TENT4A: variants seen among roughly 807,000 people sequenced by gnomAD.
TENT4A encodes terminal nucleotidyltransferase 4A.
In TENT4A, 7 loss-of-function variants were observed where a neutral mutation model predicts 72.8. The observed-to-expected ratio is 0.10, with a 90% confidence interval of 0.05 to 0.18. The LOEUF (loss-of-function observed/expected upper bound fraction) is 0.18, where lower values mean the gene tolerates loss of function less well. Ranked by LOEUF, TENT4A falls within the 10% of genes least tolerant of loss-of-function variation. TENT4A has a pLI of 1.00. For missense variants in TENT4A, 831 were observed against 1,017.7 expected, an observed-to-expected ratio of 0.82 and a Z score of 2.50; for synonymous variants, 456 against 434.3, an observed-to-expected ratio of 1.05 and a Z score of -0.62.
In TENT4A at chr5:6,714,578, C is replaced by T; in HGVS notation, c.595C>T (p.Leu199Phe). 8.3e-7 allele frequency: 1 copy of T among 1,199,046 alleles called. No individual in the cohort carries two copies. Among genetic ancestry groups the T allele is most frequent in the Non-Finnish European group, 1.0e-6 (1 of 966,766 alleles). The allele number at this position is 1,199,046 out of a possible 1,614,324, so 74.3% of individuals were successfully genotyped here. A position where few individuals can be genotyped will look rare whatever the true frequency, so the allele number is the denominator to read the frequency against. ...KRENKASTYG[L>F]NYLLSGSRAA... ...CGAGAACAAGGCCAGCACCTACGGCCTCAACTACCTGCTGTCCGGCAGCCG... is the reference window on the plus strand; with the variant it reads ...CGAGAACAAGGCCAGCACCTACGGCTTCAACTACCTGCTGTCCGGCAGCCG... Residue 199 changes from leucine to phenylalanine, a missense_variant, in exon 1 of 13, where the codon CTC (leucine) becomes TTC (phenylalanine). Physicochemically the swap from Leu to Phe is conservative, Grantham distance 22 (BLOSUM62 0). This residue lies in a region of TENT4A where 302 missense variants were observed against 293.8 expected (regional missense o/e 1.03). Coordinates refer to ENST00000230859, the MANE Select transcript of TENT4A (RefSeq NM_006999.6).
At chr5:6,733,182 G>A (rs1741293755) in intron 1 of TENT4A, among the ~76,000 whole-genome samples, 1 of 152,234 alleles carries the variant, frequency 6.6e-6, no homozygotes, top group African/African-American at 2.4e-5. Context: ...TAGGGGGTGA[G>A]GCCAGAGGGC....
At chr5:6,725,986 A>G (rs948546315) in intron 1 of TENT4A, among the ~76,000 whole-genome samples, 21 of 152,236 alleles carry the variant, frequency 1.4e-4, no homozygotes, top group Admixed American at 1.3e-3. Flanking sequence ...ACGTCAGAGT[A>G]AAAGCTTTGA....
chr5:6,730,154 T>C (rs1392279745), intron 1 of TENT4A, among the ~76,000 whole-genome samples: 1 of 152,090 alleles, frequency 6.6e-6, no homozygotes. Context: ...GCAGCGTGCT[T>C]GGGTTTGCTT....
In TENT4A at chr5:6,749,629, C is replaced by T. The variant is rs1401911338; in HGVS notation, c.1659C>T (p.Gly553=). 2 of 1,613,288 alleles carry T rather than the reference C, an allele frequency of 1.2e-6. No individual in the cohort carries two copies. Among genetic ancestry groups the T allele is most frequent in the Admixed American group, 1.7e-5 (1 of 59,972 alleles). Residue 553 remains glycine (G), a synonymous_variant, in exon 9 of 13, where the codon GGC becomes GGT. Transcript: ENST00000230859. The stretch of plus-strand genomic sequence containing the variant: ...GGAGGTGGATCAAAGAGAAGTGGGG[C>T]AGCAAAGCCCACCCGTCGCCAGGCA... ...DYRRWIKEKW[G]SKAHPSPGMD... is the part of the protein sequence containing the mutation.
rs779295789 is a variant in TENT4A at position 6,748,668 on chromosome 5, C to G, written c.1586+78C>G. 6.3e-6 allele frequency: 9 copies of G among 1,429,636 alleles called. No homozygotes were observed. In the African/African-American group the frequency reaches 8.4e-5, roughly 13 times the overall value. The allele number at this position is 1,429,636 out of a possible 1,614,324, so 88.6% of individuals were successfully genotyped here. ...TATCCCTTTCCTGTGTCATTTACCTCCATGAAATTTATGAAGGGATGTTCT... is the reference window on the plus strand; with the variant it reads ...TATCCCTTTCCTGTGTCATTTACCTGCATGAAATTTATGAAGGGATGTTCT... On this transcript the variant is annotated intron_variant, in intron 8 of 12. Transcript: ENST00000230859.
At chr5:6,741,585 T>C (rs922863343) in intron 4 of TENT4A, among the ~76,000 whole-genome samples, 1 of 152,232 alleles carries the variant, frequency 6.6e-6, no homozygotes, top group South Asian at 2.1e-4. Context: ...TCTGCCTTCT[T>C]AAGAACATAC....
In TENT4A at chr5:6,714,568, C is replaced by T. The variant is rs954946303; in HGVS notation, c.585C>T (p.Ser195=). The T allele has an allele frequency of 4.8e-5, 58 of 1,198,522 alleles. No individual in the cohort carries two copies. In the East Asian group the frequency reaches 1.5e-3, roughly 30 times the overall value. 74.2% of individuals were successfully genotyped at this position (1,198,522 alleles called of 1,614,324 possible). A position where few individuals can be genotyped will look rare whatever the true frequency, so the allele number is the denominator to read the frequency against. ...PGRRKRENKA[S]TYGLNYLLSG... Reference sequence around the variant, plus strand: ...GCCGGAAACGCGAGAACAAGGCCAGCACCTACGGCCTCAACTACCTGCTGT... The same window carrying T: ...GCCGGAAACGCGAGAACAAGGCCAGTACCTACGGCCTCAACTACCTGCTGT... The change falls in exon 1 of 13, where the codon AGC becomes AGT. Residue 195 remains serine, a synonymous_variant. Transcript: ENST00000230859.
intron 1 of TENT4A, 66 bp downstream of exon 1, chr5:6,714,765 C>CCGGCGCCCGCGGTGT: frequency 4.3e-6 from 4 of 925,602 alleles, no homozygotes; most frequent in East Asian, 4.2e-5. Context: ...GCCCGCGGTG[C>CCGGCGCCCGCGGTGT]AGACACCCGT....
chr5:6,745,902 G>C (rs1279916794), intron 6 of TENT4A: 3 of 578,322 alleles, frequency 5.2e-6, no homozygotes, highest in Non-Finnish European at 7.6e-6. Context: ...ACTAAGTTAT[G>C]CAGAATATAG....
intron 9 of TENT4A, 34 bp from the exon 10 acceptor site, chr5:6,750,296 CA>C: frequency 6.3e-7 from 1 of 1,579,718 alleles, no homozygotes; most frequent in Admixed American, 1.8e-5. Context: ...CCGCAGTTCT[CA>C]GGAGTTATTA....
chr5:6,727,418 G>A (rs2126611411), intron 1 of TENT4A, among the ~76,000 whole-genome samples: 1 of 152,324 alleles, frequency 6.6e-6, no homozygotes, highest in South Asian at 2.1e-4. Context: ...TGGTCCTTTA[G>A]GTCCATCTTG....
At chr5:6,749,152 G>A (rs1186772450) in intron 8 of TENT4A, among the ~76,000 whole-genome samples, 1 of 152,188 alleles carries the variant, frequency 6.6e-6, no homozygotes, top group Non-Finnish European at 1.5e-5. Flanking sequence ...TGCTGGTGGT[G>A]CTGGAGCTCT....
At chr5:6,748,617 G>T (rs1240580653) in intron 8 of TENT4A, 27 bp downstream of exon 8, 5 of 1,597,044 alleles carry the variant, frequency 3.1e-6, no homozygotes, top group Non-Finnish European at 8.6e-7. Flanking sequence ...CTGCGTCTGG[G>T]CTCAGCGTGC....
chr5:6,734,701 C>A (rs760317993), intron 1 of TENT4A, among the ~76,000 whole-genome samples: 3 of 152,228 alleles, frequency 2.0e-5, no homozygotes, highest in Non-Finnish European at 2.9e-5. Context: ...GTTATTAGTG[C>A]AGCTTACTGT....
intron 12 of TENT4A, among the ~76,000 whole-genome samples, chr5:6,754,085 C>T (rs540477118): frequency 2.6e-5 from 4 of 152,336 alleles, no homozygotes; most frequent in Non-Finnish European, 4.4e-5. Flanking sequence ...CTGCTGAGGG[C>T]GAGAGCGCCA....
At chr5:6,728,134 G>T (rs1741027696) in intron 1 of TENT4A, among the ~76,000 whole-genome samples, 1 of 152,152 alleles carries the variant, frequency 6.6e-6, no homozygotes. Context: ...TGCTGCCTGG[G>T]GTCTCACGGC....
chr5:6,754,207 C>T (rs917661803), intron 12 of TENT4A, among the ~76,000 whole-genome samples: 5 of 152,174 alleles, frequency 3.3e-5, no homozygotes, highest in Admixed American at 6.5e-5. Context: ...CTCACTCCAT[C>T]ACCCAGGCTG....
intron 1 of TENT4A, among the ~76,000 whole-genome samples, chr5:6,723,090 A>G (rs1039866794): frequency 5.3e-5 from 8 of 152,270 alleles, no homozygotes; most frequent in Admixed American, 3.3e-4. Context: ...GCTGAAATAA[A>G]TTGAAACTCA....
intron 1 of TENT4A, among the ~76,000 whole-genome samples, chr5:6,720,514 C>A (rs932154235): frequency 3.9e-5 from 6 of 151,968 alleles, no homozygotes; most frequent in African/African-American, 1.5e-4. Flanking sequence ...CTGTGCTGCA[C>A]TCAGATGAAC....
Sources: allele counts gnomAD v4.1 joint callset (sites outside exome capture counted in the v4.1 genomes callset), GRCh38; gene constraint gnomAD v4.1.1; regional missense constraint gnomAD v4.1.1; transcripts MANE v1.5; gene names NCBI Gene and HGNC (gene_info 2026-07-23, HGNC 2026-07-21).